The following ARPP21 variants were observed in gnomAD, a reference collection of about 807,000 sequenced individuals.
ARPP21 encodes cAMP-regulated phosphoprotein 21.
A neutral mutation model predicts 113.2 loss-of-function variants in ARPP21; 69 were observed. That is an observed-to-expected ratio of 0.61 (90% CI 0.50 to 0.74). The LOEUF (loss-of-function observed/expected upper bound fraction) is 0.74. Among genes scored for constraint, ARPP21 ranks in the 30% least tolerant of loss-of-function variants. The pLI is 0.00. For missense variants in ARPP21, 1,070 were observed against 1,037.4 expected (o/e 1.03, Z -0.43); for synonymous variants, 368 against 375.5 (o/e 0.98, Z 0.23).
chr3:35,657,515 G>A (rs1399764220), intron 1 of ARPP21, among the ~76,000 whole-genome samples: 1 of 152,122 alleles, frequency 6.6e-6, no homozygotes, highest in Non-Finnish European at 1.5e-5. Context: ...TCTGTGTGAA[G>A]TACTTTTCTG....
intron 5 of ARPP21, among the ~76,000 whole-genome samples, chr3:35,686,054 C>T (rs2080467855): frequency 6.6e-6 from 1 of 151,604 alleles, no homozygotes; most frequent in African/African-American, 2.4e-5. Flanking sequence ...TATGTCCAAG[C>T]CTCTATGATT....
At chr3:35,656,981 A>C (rs1020265898) in intron 1 of ARPP21, among the ~76,000 whole-genome samples, 2 of 152,066 alleles carry the variant, frequency 1.3e-5, no homozygotes, top group Non-Finnish European at 2.9e-5. Flanking sequence ...TTCTTCAAAA[A>C]TGGTACTAAT....
In ARPP21 at chr3:35,683,615, A is replaced by T. The variant is rs2079624260; in HGVS notation, c.172-111A>T. The T allele has an allele frequency of 8.9e-6, 6 of 672,168 alleles. No homozygotes were observed. The Admixed American group carries it at 1.3e-4, about 15-fold the overall frequency. 41.6% of individuals were successfully genotyped at this position (672,168 alleles called of 1,614,324 possible). On this transcript the variant is annotated intron_variant, in intron 4 of 20. Transcript: ENST00000684406. ...GGCAGACTTGAAGTTTGGTTTTAAA[A>T]ATCTCATTTGGGGAAGTTATGTAAA...
chr3:35,793,588 T>G, intron 20 of ARPP21, 113 bp from the exon 21 acceptor site: 1 of 717,198 alleles, frequency 1.4e-6, no homozygotes, highest in East Asian at 2.5e-5. Context: ...CTGGAATTGA[T>G]GACCTGTTAG....
intron 11 of ARPP21, among the ~76,000 whole-genome samples, chr3:35,714,163 T>C (rs1204818598): frequency 1.3e-5 from 2 of 152,240 alleles, no homozygotes; most frequent in Admixed American, 1.3e-4. Flanking sequence ...CTTTGCTTTT[T>C]CTTAAATGAG....
chr3:35,716,603 G>A (rs1371668712), intron 12 of ARPP21, among the ~76,000 whole-genome samples: 1 of 151,952 alleles, frequency 6.6e-6, no homozygotes, highest in African/African-American at 2.4e-5. Context: ...TAATCCATAA[G>A]CATTGACATC....
At chr3:35,768,583 G>A (rs1000098981) in intron 19 of ARPP21, among the ~76,000 whole-genome samples, 2 of 152,016 alleles carry the variant, frequency 1.3e-5, no homozygotes, top group African/African-American at 4.8e-5. Flanking sequence ...ACAACAAAAG[G>A]AGCATTACTT....
At chr3:35,718,909 CAA>C (rs35647414) in intron 13 of ARPP21, among the ~76,000 whole-genome samples, 17,154 of 71,788 alleles carry the variant, frequency 0.24, 1,161 homozygotes, top group South Asian at 0.37. Flanking sequence ...GTAACCTGTG[CAA>C]AAAAAAAAAA....
At chr3:35,789,575 C>A (rs1212926473) in intron 19 of ARPP21, among the ~76,000 whole-genome samples, 4 of 151,774 alleles carry the variant, frequency 2.6e-5, no homozygotes, top group Non-Finnish European at 5.9e-5. Flanking sequence ...AGTGTGTTTA[C>A]CATGGGAACC....
intron 1 of ARPP21, among the ~76,000 whole-genome samples, chr3:35,657,391 C>A (rs997132270): frequency 1.3e-5 from 2 of 152,086 alleles, no homozygotes; most frequent in Admixed American, 1.3e-4. Context: ...GAAGAATTGG[C>A]AGTTTAATTC....
chr3:35,670,048 A>G lies in ARPP21; in HGVS notation c.-212-9739A>G, dbSNP rs541075747. ...GTTTCTGCCAGGTCCTTCATTTAGT[A>G]TAGTTTGAGAATCTGCTTTTTCCTC... On this transcript the variant is annotated intron_variant, in intron 1 of 20. Transcript: ENST00000684406. 4.6e-5 allele frequency among the ~76,000 whole-genome samples: 7 copies of G among 152,280 alleles called. No homozygotes were observed. The South Asian group carries it at 1.4e-3, about 32-fold the overall frequency.
chr3:35,694,068 A>G (rs1159111684), intron 9 of ARPP21, among the ~76,000 whole-genome samples: 1 of 151,572 alleles, frequency 6.6e-6, no homozygotes, highest in African/African-American at 2.4e-5. Flanking sequence ...AATAATTGTA[A>G]CTATTTCAGC....
chr3:35,667,951 GAAGAAGAAGA>G, intron 1 of ARPP21, among the ~76,000 whole-genome samples: 1 of 12,516 alleles, frequency 8.0e-5, no homozygotes, highest in East Asian at 2.5e-3. Context: ...AAGAAGAAAA[GAAGAAGAAGA>G]AGAAGAAGAA....
intron 1 of ARPP21, among the ~76,000 whole-genome samples, chr3:35,663,337 TCAC>T (rs1708681760): frequency 1.3e-5 from 2 of 152,142 alleles, no homozygotes; most frequent in African/African-American, 4.8e-5. Flanking sequence ...TAACAATCAA[TCAC>T]CTACAAATCA....
intron 19 of ARPP21, among the ~76,000 whole-genome samples, chr3:35,747,720 C>T (rs979444094): frequency 1.3e-5 from 2 of 152,084 alleles, no homozygotes; most frequent in Non-Finnish European, 2.9e-5. Flanking sequence ...TGTCTCCCTA[C>T]TCTGCCTCAG....
intron 9 of ARPP21, among the ~76,000 whole-genome samples, chr3:35,692,191 GT>G (rs2082433933): frequency 6.6e-6 from 1 of 151,658 alleles, no homozygotes; most frequent in Non-Finnish European, 1.5e-5. Flanking sequence ...GGCCCTTGAA[GT>G]TTCAGAATCA....
chr3:35,749,741 T>G (rs1214661827), intron 19 of ARPP21, among the ~76,000 whole-genome samples: 1 of 152,174 alleles, frequency 6.6e-6, no homozygotes, highest in Non-Finnish European at 1.5e-5. Flanking sequence ...TAATTTTTTA[T>G]GATTATAGTA....
chr3:35,769,973 GA>G (rs1553740831), intron 19 of ARPP21, among the ~76,000 whole-genome samples: 1 of 152,116 alleles, frequency 6.6e-6, no homozygotes, highest in Non-Finnish European at 1.5e-5. Context: ...ATGTAGCGAC[GA>G]AGAAGTTTCA....
In ARPP21 at chr3:35,640,623, A is replaced by G. The variant is rs116361907; in HGVS notation, c.-213+225A>G. Among the ~76,000 whole-genome samples, 397 of 152,280 alleles carry G rather than the reference A, an allele frequency of 2.6e-3. 2 individuals carry two copies. Among genetic ancestry groups the G allele is most frequent in the Non-Finnish European group, 4.5e-3 (304 of 68,020 alleles). ...TTCCCCCAGAAAAGACAGAAATGGA[A>G]AGCTGGAAGTTGGCAATGATTTTCA... On this transcript the variant is annotated intron_variant, in intron 1 of 20. Transcript: ENST00000684406.
Sources: gnomAD v4.1 joint callset for allele counts (sites outside exome capture counted in the v4.1 genomes callset) on GRCh38, gnomAD v4.1.1 for gene constraint, MANE v1.5 for transcripts, NCBI Gene and HGNC (gene_info 2026-07-23, HGNC 2026-07-21) for gene names.